Variants in CLEC12A observed in about 807,000 individuals in gnomAD.
CLEC12A encodes C-type lectin domain family 12 member A.
CLEC12A carries 22 observed loss-of-function variants against 26.5 expected under a neutral mutation model. The ratio of observed to expected loss-of-function variants is 0.83; its 90% CI spans 0.59 to 1.19. CLEC12A has a LOEUF of 1.19. CLEC12A is among the 50% of genes most tolerant of loss of function. CLEC12A has a pLI of 0.00. For synonymous variants in CLEC12A, 119 were observed against 101.9 expected (o/e 1.17, Z -1.01); for missense variants, 353 against 315.6 (o/e 1.12, Z -0.90).
At chr12:9,969,380 T>C (rs1864049034), upstream of CLEC12A, among the ~76,000 whole-genome samples, 1 of 152,196 alleles carries the variant, frequency 6.6e-6, no homozygotes, top group Non-Finnish European at 1.5e-5. Flanking sequence ...AACTATTTTG[T>C]ATCAATAACA....
Position 9,985,394 on chromosome 12 carries a change from C to T in CLEC12A, c.*368C>T, listed in dbSNP as rs1864739468. 1.2e-5 allele frequency: 5 copies of T among 401,184 alleles called. No individual in the cohort carries two copies. Among genetic ancestry groups the T allele is most frequent in the Admixed American group, 8.7e-5 (2 of 22,894 alleles). The allele number at this position is 401,184 out of a possible 1,614,324, so 24.9% of individuals were successfully genotyped here. On this transcript the variant is annotated 3_prime_UTR_variant, in exon 6 of 6. Coordinates refer to ENST00000304361, the MANE Select transcript of CLEC12A (RefSeq NM_138337.6). ...AGCAAATTTTAATTTTGTCCCACAG[C>T]GTTGCTAGGGTGGCATGGCTCCCCA...
intron 5 of CLEC12A, chr12:9,983,689 C>A: frequency 1.9e-6 from 1 of 537,928 alleles, no homozygotes; most frequent in South Asian, 2.6e-5. Flanking sequence ...CAGATCCCTG[C>A]ATACTCATCA....
intron 5 of CLEC12A, chr12:9,983,680 A>G: frequency 1.8e-6 from 1 of 562,548 alleles, no homozygotes; most frequent in Non-Finnish European, 3.1e-6. Flanking sequence ...TTAGGCACTC[A>G]GATCCCTGCA....
At chr12:9,986,099 G>C (rs1447415728), downstream of CLEC12A, 1 of 455,138 alleles carries the variant, frequency 2.2e-6, no homozygotes, top group Admixed American at 2.4e-5. Context: ...GGCCCAGTGG[G>C]ATGCCAAAAT....
At chr12:9,983,857 T>C in intron 5 of CLEC12A, 2 of 266,492 alleles carry the variant, frequency 7.5e-6, no homozygotes. Flanking sequence ...AGATAAGCTA[T>C]CTACAAATGG....
chr12:9,980,805 C>T, intron 4 of CLEC12A, 72 bp downstream of exon 4: 1 of 1,487,350 alleles, frequency 6.7e-7, no homozygotes, highest in East Asian at 2.3e-5. Flanking sequence ...TTCAATCAAC[C>T]CACTCATGAT....
At chr12:9,977,743 C>G (rs1028030019) in intron 1 of CLEC12A, among the ~76,000 whole-genome samples, 10 of 152,120 alleles carry the variant, frequency 6.6e-5, no homozygotes, top group African/African-American at 2.4e-4. Flanking sequence ...TCTATTTCCT[C>G]CTACAATTAA....
chr12:9,986,115 A>T (rs1377167716), downstream of CLEC12A: 2 of 455,402 alleles, frequency 4.4e-6, no homozygotes, highest in Non-Finnish European at 4.4e-6. Context: ...AAAATGACGG[A>T]GAGCCACATC....
chr12:10,000,267 A>G (rs997997533), downstream of CLEC12A, among the ~76,000 whole-genome samples: 1 of 152,240 alleles, frequency 6.6e-6, no homozygotes, highest in Middle Eastern at 3.2e-3. Flanking sequence ...GTTTATTAAC[A>G]TGCCCTTTGG....
chr12:9,973,856 C>A (rs1050617571), intron 1 of CLEC12A, among the ~76,000 whole-genome samples: 1 of 151,912 alleles, frequency 6.6e-6, no homozygotes, highest in African/African-American at 2.4e-5. Context: ...TCTGCTTTTC[C>A]TTTTTGGTGC....
intron 1 of CLEC12A, among the ~76,000 whole-genome samples, chr12:9,976,989 G>T (rs1199891740): frequency 1.3e-5 from 2 of 151,618 alleles, no homozygotes; most frequent in Non-Finnish European, 2.9e-5. Flanking sequence ...CCCCAGCCGC[G>T]TGAAACTGTG....
downstream of CLEC12A, chr12:9,997,207 C>G: frequency 1.2e-6 from 2 of 1,613,912 alleles, no homozygotes; most frequent in Non-Finnish European, 1.7e-6. Context: ...TTGACAGAAG[C>G]GCTTTGCTAA....
intron 1 of CLEC12A, among the ~76,000 whole-genome samples, chr12:9,958,034 C>T (rs553258837): frequency 2.6e-5 from 4 of 152,300 alleles, no homozygotes; most frequent in East Asian, 3.9e-4. Context: ...TGCCAGGAAA[C>T]CAGAAAGTAC....
intron 4 of CLEC12A, chr12:9,993,013 G>T (rs1421098812): frequency 1.2e-6 from 1 of 811,250 alleles, no homozygotes; most frequent in Non-Finnish European, 2.0e-6. Context: ...TGATAGGAAA[G>T]ATAATATTAA....
At chr12:9,995,382 G>T in exon 5 of CLEC12A, 2 of 771,782 alleles carry the variant, frequency 2.6e-6, no homozygotes, top group Non-Finnish European at 4.5e-6. Flanking sequence ...GATTACATTT[G>T]ATGTTTGAAA....
At chr12:9,977,151 C>T (rs1864371761) in intron 1 of CLEC12A, among the ~76,000 whole-genome samples, 1 of 152,082 alleles carries the variant, frequency 6.6e-6, no homozygotes, top group South Asian at 2.1e-4. Flanking sequence ...GCATATCTAC[C>T]AACTTTCTCT....
intron 5 of CLEC12A, chr12:9,983,430 G>A (rs963509078): frequency 4.6e-5 from 30 of 654,966 alleles, no homozygotes; most frequent in Admixed American, 1.7e-4. Context: ...GGATTTATAC[G>A]TTGTATTTGT....
chr12:9,994,886 G>A, intron 4 of CLEC12A: 1 of 849,830 alleles, frequency 1.2e-6, no homozygotes, highest in Non-Finnish European at 1.7e-6. Context: ...GTGTTCCATG[G>A]TAAGGTTGAA....
intron 4 of CLEC12A, chr12:9,993,326 G>A (rs767850195): frequency 1.3e-6 from 2 of 1,536,216 alleles, no homozygotes; most frequent in Non-Finnish European, 1.8e-6. Flanking sequence ...TTTGAAAACT[G>A]AGCAAACAAT....
Sources: gnomAD v4.1 joint callset for allele counts (sites outside exome capture counted in the v4.1 genomes callset) on GRCh38, gnomAD v4.1.1 for gene constraint, MANE v1.5 for transcripts, NCBI Gene and HGNC (gene_info 2026-07-23, HGNC 2026-07-21) for gene names.